FRMD4A: variants seen among roughly 807,000 people sequenced by gnomAD.
FRMD4A encodes the protein FERM domain-containing protein 4A.
Under a neutral mutation model 129.1 loss-of-function variants are expected in FRMD4A, and 29 were observed. The ratio of observed to expected loss-of-function variants is 0.22; its 90% CI spans 0.17 to 0.31. The LOEUF is 0.31. Ranked by LOEUF, FRMD4A falls within the 10% of genes least tolerant of loss-of-function variation. FRMD4A has a pLI of 1.00. For synonymous variants in FRMD4A, 634 were observed against 571.6 expected, an observed-to-expected ratio of 1.11 and a Z score of -1.56; for missense variants, 1,272 against 1,375.8, an observed-to-expected ratio of 0.92 and a Z score of 1.19.
chr10:13,865,931 G>A (rs2094361438), intron 2 of FRMD4A, among the ~76,000 whole-genome samples: 1 of 152,138 alleles, frequency 6.6e-6, no homozygotes, highest in African/African-American at 2.4e-5. Flanking sequence ...GGTACGGTGA[G>A]GGAGGAGAGC....
chr10:14,302,260 T>G (rs1204058806), intron 2 of FRMD4A, among the ~76,000 whole-genome samples: 1 of 152,090 alleles, frequency 6.6e-6, no homozygotes, highest in Non-Finnish European at 1.5e-5. Flanking sequence ...TCTAGTTGGT[T>G]TGGGGAAAAA....
At chr10:14,235,869 T>C (rs7914612) in intron 2 of FRMD4A, among the ~76,000 whole-genome samples, 100,868 of 152,112 alleles carry the variant, frequency 0.66, 33,800 homozygotes, top group South Asian at 0.74. Flanking sequence ...AGACCACAAT[T>C]CCCGTGCCAA....
chr10:14,238,978 G>A (rs1392791844), intron 2 of FRMD4A, among the ~76,000 whole-genome samples: 3 of 152,114 alleles, frequency 2.0e-5, no homozygotes, highest in African/African-American at 7.2e-5. Flanking sequence ...ACTGTAAATA[G>A]GAGGTGCTTT....
intron 2 of FRMD4A, among the ~76,000 whole-genome samples, chr10:14,301,411 T>G (rs1846182163): frequency 6.6e-6 from 1 of 152,204 alleles, no homozygotes; most frequent in African/African-American, 2.4e-5. Flanking sequence ...ACTGTCCCCT[T>G]AAACTCTCAC....
intron 2 of FRMD4A, among the ~76,000 whole-genome samples, chr10:14,263,953 C>T (rs1390214338): frequency 1.3e-5 from 2 of 152,178 alleles, no homozygotes; most frequent in African/African-American, 4.8e-5. Flanking sequence ...GTGGAAGCAG[C>T]CCCAAGCTCT....
intron 2 of FRMD4A, among the ~76,000 whole-genome samples, chr10:14,172,900 A>G (rs1841548355): frequency 6.6e-6 from 1 of 152,230 alleles, no homozygotes; most frequent in Non-Finnish European, 1.5e-5. Flanking sequence ...CCTTCTAATG[A>G]ATGACTCTCA....
intron 2 of FRMD4A, among the ~76,000 whole-genome samples, chr10:13,889,398 A>G (rs2094667853): frequency 6.6e-6 from 1 of 152,218 alleles, no homozygotes; most frequent in Non-Finnish European, 1.5e-5. Context: ...ACCTCAGGCT[A>G]TAACTTCGCT....
intron 2 of FRMD4A, among the ~76,000 whole-genome samples, chr10:14,051,131 C>T (rs952296699): frequency 9.2e-5 from 14 of 152,308 alleles, no homozygotes; most frequent in Middle Eastern, 6.8e-3. Flanking sequence ...ATTGTAGAAT[C>T]GGGAAGTATT....
intron 2 of FRMD4A, among the ~76,000 whole-genome samples, chr10:13,912,413 A>G (rs370460581): frequency 6.6e-6 from 1 of 152,204 alleles, no homozygotes; most frequent in East Asian, 1.9e-4. Context: ...AAACTTGCAC[A>G]TGAATGTTCA....
chr10:13,735,450 A>C (rs7917809), intron 12 of FRMD4A, among the ~76,000 whole-genome samples: 152,185 of 152,362 alleles, frequency 1, 76,004 homozygotes, highest in Non-Finnish European at 1. Context: ...TGGCCTCTTA[A>C]TTCTTATCTT....
At chr10:13,842,881 T>G (rs979961172) in intron 3 of FRMD4A, among the ~76,000 whole-genome samples, 2 of 152,186 alleles carry the variant, frequency 1.3e-5, no homozygotes, top group African/African-American at 2.4e-5. Flanking sequence ...TTTCATATCC[T>G]TTTTTGGTGT....
At chr10:14,127,934 CTT>C (rs1214404353) in intron 2 of FRMD4A, among the ~76,000 whole-genome samples, 2 of 8,288 alleles carry the variant, frequency 2.4e-4, no homozygotes, top group African/African-American at 1.7e-3. Flanking sequence ...TTCTTTCTTT[CTT>C]TCTTTCTTTC....
intron 11 of FRMD4A, 63 bp downstream of exon 11, chr10:13,740,131 G>A (rs1489566812): frequency 5.6e-6 from 5 of 893,510 alleles, no homozygotes; most frequent in African/African-American, 3.3e-5. Context: ...AACATATAAC[G>A]AGATGTTTTG....
intron 2 of FRMD4A, among the ~76,000 whole-genome samples, chr10:14,012,648 G>A (rs1172192735): frequency 2.6e-5 from 4 of 152,156 alleles, no homozygotes; most frequent in African/African-American, 7.2e-5. Flanking sequence ...CAGTGCCCGC[G>A]CGGATGCATG....
At chr10:14,064,215 T>C (rs1834948753) in intron 2 of FRMD4A, among the ~76,000 whole-genome samples, 1 of 152,214 alleles carries the variant, frequency 6.6e-6, no homozygotes. Context: ...AGAGCTGAGA[T>C]ACTGAGGTCC....
chr10:14,129,659 T>C (rs940297351), intron 2 of FRMD4A, among the ~76,000 whole-genome samples: 5 of 152,028 alleles, frequency 3.3e-5, no homozygotes, highest in African/African-American at 1.2e-4. Flanking sequence ...CAGTGGAGTC[T>C]TGCATGGGTC....
At chr10:14,147,862 T>C (rs1840154503) in intron 2 of FRMD4A, among the ~76,000 whole-genome samples, 1 of 152,154 alleles carries the variant, frequency 6.6e-6, no homozygotes. Context: ...TACCACACAC[T>C]GCCTAGATTC....
intron 2 of FRMD4A, among the ~76,000 whole-genome samples, chr10:13,876,923 C>T (rs1338845623): frequency 6.6e-6 from 1 of 151,810 alleles, no homozygotes; most frequent in East Asian, 1.9e-4. Context: ...TTTTAATTTG[C>T]CTATTCTGTA....
chr10:14,022,620 T>A (rs1316009430), intron 2 of FRMD4A, among the ~76,000 whole-genome samples: 1 of 151,940 alleles, frequency 6.6e-6, no homozygotes, highest in Non-Finnish European at 1.5e-5. Flanking sequence ...AAATTGAGTG[T>A]GGGGAGGTTG....
Sources: allele counts gnomAD v4.1 joint callset (sites outside exome capture counted in the v4.1 genomes callset), GRCh38; gene constraint gnomAD v4.1.1; transcripts MANE v1.5; gene names NCBI Gene and HGNC (gene_info 2026-07-23, HGNC 2026-07-21).